Variants in AKR1C2 observed in about 807,000 individuals in gnomAD.
AKR1C2 encodes the protein aldo-keto reductase family 1 member C2, also known as 3-alpha-HSD3.
In AKR1C2, 27 loss-of-function variants were observed where a neutral mutation model predicts 39.8. That is an observed-to-expected ratio of 0.68 (90% CI 0.50 to 0.93). The LOEUF (loss-of-function observed/expected upper bound fraction) is 0.93. Ranked by LOEUF, AKR1C2 falls within the 40% of genes least tolerant of loss-of-function variation. AKR1C2 has a pLI of 0.00. For missense variants in AKR1C2, 263 were observed against 365.1 expected (o/e 0.72, Z 2.28); for synonymous variants, 114 against 137.9 (o/e 0.83, Z 1.22).
chr10:4,990,343 T>G (rs1336639274), intron 8 of AKR1C2, among the ~76,000 whole-genome samples: 2 of 152,228 alleles, frequency 1.3e-5, no homozygotes, highest in Non-Finnish European at 2.9e-5. Context: ...AACAAAGAGA[T>G]ATTCTGACCT....
At chr10:4,998,826 C>T (rs1554773468) in intron 4 of AKR1C2, 79 bp from the exon 5 acceptor site, 3 of 1,587,590 alleles carry the variant, frequency 1.9e-6, no homozygotes, top group Non-Finnish European at 2.6e-6. Flanking sequence ...ACTGTGAAAG[C>T]AACAACTGTC....
At chr10:5,008,459 T>C (rs1271967404), upstream of AKR1C2, among the ~76,000 whole-genome samples, 2 of 151,982 alleles carry the variant, frequency 1.3e-5, no homozygotes, top group Non-Finnish European at 2.9e-5. Flanking sequence ...TTGCCAAGGC[T>C]CAAGGGGTAC....
intron 1 of AKR1C2, among the ~76,000 whole-genome samples, chr10:5,009,361 C>T (rs1173711756): frequency 6.6e-6 from 1 of 151,990 alleles, no homozygotes; most frequent in African/African-American, 2.4e-5. Context: ...TACTATTGCT[C>T]AATACTATTG....
intron 1 of AKR1C2, among the ~76,000 whole-genome samples, chr10:5,017,590 C>T (rs1457287718): frequency 6.6e-6 from 1 of 152,196 alleles, no homozygotes; most frequent in Non-Finnish European, 1.5e-5. Context: ...TCCCTATCAG[C>T]ATTTTCTTCA....
intron 1 of AKR1C2, chr10:5,016,035 G>T (rs1554775329): frequency 6.6e-6 from 1 of 152,096 alleles, no homozygotes; most frequent in African/African-American, 2.4e-5. Flanking sequence ...CAAGAGAGAA[G>T]TCAGCCTCCA....
In AKR1C2 at chr10:4,989,551, C is replaced by T. The variant is rs573920613; in HGVS notation, c.*445G>A. The T allele has an allele frequency of 5.9e-6, 1 of 168,498 alleles. No homozygotes were observed. Among genetic ancestry groups the T allele is most frequent in the African/African-American group, 2.4e-5 (1 of 40,910 alleles). 10.4% of individuals were successfully genotyped at this position (168,498 alleles called of 1,614,324 possible). On this transcript the variant is annotated 3_prime_UTR_variant, in exon 9 of 9. Transcript: ENST00000380753. ...CGCTCATCCTCTAGACTCCATCCTGCGTGTGCTTCTTCCTACAAGAGCTAG... is the reference window on the plus strand; with the variant it reads ...CGCTCATCCTCTAGACTCCATCCTGTGTGTGCTTCTTCCTACAAGAGCTAG...
At chr10:4,997,068 T>C (rs1837077116) in intron 5 of AKR1C2, among the ~76,000 whole-genome samples, 1 of 152,202 alleles carries the variant, frequency 6.6e-6, no homozygotes, top group African/African-American at 2.4e-5. Flanking sequence ...ATCTGACCAC[T>C]GTTAGCTTAA....
intron 1 of AKR1C2, among the ~76,000 whole-genome samples, chr10:5,012,356 G>A (rs1405079616): frequency 6.6e-6 from 1 of 151,742 alleles, no homozygotes; most frequent in African/African-American, 2.4e-5. Context: ...ACCTTACCTG[G>A]CAAAACAAAC....
At chr10:5,014,169 T>TGA (rs1191398251) in intron 1 of AKR1C2, among the ~76,000 whole-genome samples, 124,253 of 148,202 alleles carry the variant, frequency 0.84, 52,146 homozygotes, top group African/African-American at 0.91. Flanking sequence ...AAGGTTATCA[T>TGA]GAATACTAAC....
chr10:5,003,207 T>G (rs1375111324), intron 1 of AKR1C2, among the ~76,000 whole-genome samples: 3 of 127,532 alleles, frequency 2.4e-5, no homozygotes, highest in Non-Finnish European at 5.3e-5. Context: ...GGTTCTAGTT[T>G]TTTTTTTTTT....
chr10:5,017,046 C>A (rs781922628), intron 1 of AKR1C2, among the ~76,000 whole-genome samples: 2 of 152,174 alleles, frequency 1.3e-5, no homozygotes, highest in African/African-American at 4.8e-5. Flanking sequence ...GCAGTAGGAC[C>A]CTGGGCTTGG....
upstream of AKR1C2, among the ~76,000 whole-genome samples, chr10:5,008,542 G>T (rs564398170): frequency 2.0e-5 from 3 of 152,178 alleles, no homozygotes; most frequent in East Asian, 1.9e-4. Context: ...TCCACAGCTT[G>T]TTTACAATCT....
At chr10:5,007,978 G>A (rs1340442453), upstream of AKR1C2, among the ~76,000 whole-genome samples, 1 of 151,026 alleles carries the variant, frequency 6.6e-6, no homozygotes, top group Non-Finnish European at 1.5e-5. Context: ...TTCATTCTGG[G>A]CACACTGGTG....
chr10:5,003,762 G>C lies in AKR1C2; in HGVS notation c.74C>G (p.Ala25Gly), dbSNP rs781934581. The C allele has an allele frequency of 1.9e-6, 3 of 1,613,610 alleles. No homozygotes were observed. The East Asian group carries it at 6.7e-5, about 36-fold the overall frequency. ...AAATATTATTGTTACCTCTGCAGGC[G>C]CATAGGTGCCAAATCCCAGGACAGG... ...FMPVLGFGTY[A>G]PAEVPKSKAL... is the part of the protein sequence containing the mutation. Residue 25 changes from alanine (A) to glycine (G), a missense_variant, in exon 1 of 9, where the codon GCG becomes GGG. Physicochemically the swap from Ala to Gly is moderately conservative, Grantham distance 60. Coordinates refer to ENST00000380753, the MANE Select transcript of AKR1C2 (RefSeq NM_001393392.1).
At chr10:5,000,988 A>C (rs1837251738) in intron 2 of AKR1C2, among the ~76,000 whole-genome samples, 1 of 152,226 alleles carries the variant, frequency 6.6e-6, no homozygotes, top group African/African-American at 2.4e-5. Flanking sequence ...TAATTATTTC[A>C]TCTATTCAGC....
intron 1 of AKR1C2, among the ~76,000 whole-genome samples, chr10:5,014,654 T>C (rs1837599241): frequency 6.6e-6 from 1 of 152,202 alleles, no homozygotes; most frequent in Non-Finnish European, 1.5e-5. Context: ...TCAGCACTGC[T>C]ATTGGTTGGG....
At position 4,988,228 on chromosome 10, in the gene AKR1C2, C is replaced by T. The variant is rs563785896; in HGVS notation, c.*1768G>A. The T allele has an allele frequency of 6.6e-6, 1 of 152,294 alleles. No individual in the cohort carries two copies. The highest frequency in any genetic ancestry group is 1.9e-4 in the East Asian group (1 of 5,190). The allele number at this position is 152,294 out of a possible 1,614,324, so 9.4% of individuals were successfully genotyped here. On this transcript the variant is annotated 3_prime_UTR_variant, in exon 9 of 9. Coordinates refer to ENST00000380753, the MANE Select transcript of AKR1C2 (RefSeq NM_001393392.1). ...AATGTCAATCTTTTCTTGACACTTA[C>T]ATCAGTCAAGTTTATGAGATGTGAA... is the stretch of plus-strand genomic sequence containing the variant.
At chr10:5,014,990 C>T (rs1554775231) in intron 1 of AKR1C2, 1 of 152,224 alleles carries the variant, frequency 6.6e-6, no homozygotes, top group South Asian at 2.1e-4. Flanking sequence ...GCAGCTATTA[C>T]CTCCAAGAGA....
intron 8 of AKR1C2, among the ~76,000 whole-genome samples, chr10:4,991,106 C>T (rs1235311629): frequency 1.3e-5 from 2 of 151,070 alleles, no homozygotes; most frequent in African/African-American, 4.9e-5. Context: ...GAATAGTAAA[C>T]GTCTGTTACT....
Sources: allele counts gnomAD v4.1 joint callset (sites outside exome capture counted in the v4.1 genomes callset), GRCh38; gene constraint gnomAD v4.1.1; transcripts MANE v1.5; gene names NCBI Gene and HGNC (gene_info 2026-07-23, HGNC 2026-07-21).